Variants in MUC15 observed in about 807,000 individuals in gnomAD.
MUC15 encodes the protein mucin 15, cell surface associated, also known as mucin-15.
A neutral mutation model predicts 24.0 loss-of-function variants in MUC15; 23 were observed. The ratio of observed to expected loss-of-function variants is 0.96; its 90% CI spans 0.69 to 1.36. MUC15 has a LOEUF of 1.36. Ranked by LOEUF, MUC15 falls within the 40% of genes most tolerant of loss-of-function variation. The pLI is 0.00. For synonymous variants in MUC15, 151 were observed against 156.3 expected, an observed-to-expected ratio of 0.97 and a Z score of 0.25; for missense variants, 442 against 428.2, an observed-to-expected ratio of 1.03 and a Z score of -0.29.
chr11:26,561,838 C>T (rs1850306483), intron 4 of MUC15, among the ~76,000 whole-genome samples: 1 of 151,862 alleles, frequency 6.6e-6, no homozygotes, highest in Admixed American at 6.6e-5. Context: ...AATTCATTTT[C>T]AAAGCAAAAC....
At chr11:26,563,395 CTGTGTGTGTGTGTG>C (rs71047867) in intron 3 of MUC15, 130 bp from the exon 4 acceptor site, 57 of 539,914 alleles carry the variant, frequency 1.1e-4, no homozygotes, top group Admixed American at 1.9e-4. Flanking sequence ...GTTTCTCTCT[CTGTGTGTGTGTGTG>C]TGTGTGTGTG....
chr11:26,560,068 T>C lies in MUC15; in HGVS notation c.*997A>G. On this transcript the variant is annotated 3_prime_UTR_variant, in exon 5 of 5. Transcript: ENST00000529533. ...TAATTAAAAACAAACTGAAACATAC[T>C]AGAATCCAAATTAATCTTCTTATAT... 3.3e-6 allele frequency: 1 copy of C among 298,870 alleles called. No individual in the cohort carries two copies. The highest frequency in any genetic ancestry group is 6.2e-6 in the Non-Finnish European group (1 of 162,412). 18.5% of individuals were successfully genotyped at this position (298,870 alleles called of 1,614,324 possible). A position where few individuals can be genotyped will look rare whatever the true frequency, so the allele number is the denominator to read the frequency against.
chr11:26,561,976 G>A (rs1850312108), intron 4 of MUC15, among the ~76,000 whole-genome samples: 2 of 151,722 alleles, frequency 1.3e-5, no homozygotes, highest in African/African-American at 4.8e-5. Flanking sequence ...TTTACAAATT[G>A]GGCTCCCAGG....
chr11:26,565,217 T>C lies in MUC15; in HGVS notation c.723A>G (p.Leu241=). Reference sequence around the variant, plus strand: ...AGAGTTTTGAATTATTGGTGAATTTTAAGGTAGGCTGTAGAGTTGTTTTTT... The same window carrying C: ...AGAGTTTTGAATTATTGGTGAATTTCAAGGTAGGCTGTAGAGTTGTTTTTT... ...YQEKTTLQPT[L]KFTNNSKLFP... is the part of the protein sequence containing the mutation. Residue 241 remains leucine (L), a synonymous_variant, in exon 3 of 5, where the codon TTA becomes TTG. Coordinates refer to ENST00000529533, the MANE Select transcript of MUC15 (RefSeq NM_001135091.2). 6.6e-7 allele frequency: 1 copy of C among 1,516,712 alleles called. No homozygotes were observed. Among genetic ancestry groups the C allele is most frequent in the Non-Finnish European group, 8.8e-7 (1 of 1,132,622 alleles). 94.0% of individuals were successfully genotyped at this position (1,516,712 alleles called of 1,614,324 possible). A position where few individuals can be genotyped will look rare whatever the true frequency, so the allele number is the denominator to read the frequency against.
rs201972788 is a variant in MUC15, at chr11:26,565,333, T to A, written c.607A>T (p.Thr203Ser). Residue 203 changes from threonine to serine, a missense_variant, in exon 3 of 5, where the codon ACT (threonine) becomes TCT (serine). Physicochemically the swap from Thr to Ser is moderately conservative, Grantham distance 58. Transcript: ENST00000529533. ...ITVSILSSEP[T>S]SPSVTPLIVE... ...ATCAAGGGGGTCACAGATGGAGAAG[T>A]TGGTTCTGAAGAGAGGATGCTAACT... 53 of 1,611,136 alleles carry A rather than the reference T, an allele frequency of 3.3e-5. No homozygotes were observed. The highest frequency in any genetic ancestry group is 4.4e-5 in the Non-Finnish European group (52 of 1,178,408).
chr11:26,564,726 CACACACATATATATATATAT>C (rs1238801038), intron 3 of MUC15, among the ~76,000 whole-genome samples: 32 of 49,330 alleles, frequency 6.5e-4, no homozygotes, highest in African/African-American at 1.3e-3. Flanking sequence ...CACACACACA[CACACACATATATATATATAT>C]ATATATATAT....
At chr11:26,564,783 A>ATATATG (rs1850497774) in intron 3 of MUC15, among the ~76,000 whole-genome samples, 1 of 100,696 alleles carries the variant, frequency 9.9e-6, no homozygotes, top group East Asian at 3.2e-4. Flanking sequence ...ATATATATAT[A>ATATATG]TAAGTTCAGT....
In MUC15 at chr11:26,565,289, C is replaced by T. The variant is rs1460746863; in HGVS notation, c.651G>A (p.Trp217Ter). 1 of 1,607,370 alleles carries T rather than the reference C, an allele frequency of 6.2e-7. No homozygotes were observed. The highest frequency in any genetic ancestry group is 8.5e-7 in the Non-Finnish European group (1 of 1,176,092). Reference protein sequence around the residue: ...VTPLIVEPSGWLTTNSDSFTG... With the variant: ...VTPLIVEPSG ...TGAAGCTATCACTGTTTGTGGTAAGCCATCCACTTGGTTCCACTATCAAGG... is the reference window on the plus strand; with the variant it reads ...TGAAGCTATCACTGTTTGTGGTAAGTCATCCACTTGGTTCCACTATCAAGG... Residue 217 changes from tryptophan to a stop codon, truncating the protein, a stop_gained, in exon 3 of 5, where the codon TGG becomes TGA. Coordinates refer to ENST00000529533, the MANE Select transcript of MUC15 (RefSeq NM_001135091.2). LOFTEE classifies it high-confidence loss of function.
At chr11:26,564,183 T>A (rs2134259915) in intron 3 of MUC15, among the ~76,000 whole-genome samples, 1 of 151,820 alleles carries the variant, frequency 6.6e-6, no homozygotes, top group Non-Finnish European at 1.5e-5. Flanking sequence ...TATATTAGGT[T>A]TAGATAGACA....
rs764671965 is a variant in MUC15, at chr11:26,563,393, C to CTGTG, written c.776-129_776-128insCACA. On this transcript the variant is annotated intron_variant, in intron 3 of 4. Coordinates refer to ENST00000529533, the MANE Select transcript of MUC15 (RefSeq NM_001135091.2). Reference sequence around the variant, plus strand: ...AAATTAGATAATGGTGTGTTTCTCTCTCTGTGTGTGTGTGTGTGTGTGTGT... The same window carrying CTGTG: ...AAATTAGATAATGGTGTGTTTCTCTCTGTGTCTGTGTGTGTGTGTGTGTGTGTGT... 4.0e-3 allele frequency: 3,304 copies of CTGTG among 824,678 alleles called. 55 individuals are homozygous for CTGTG. The highest frequency in any genetic ancestry group is 0.024 in the African/African-American group (902 of 38,058). The allele number at this position is 824,678 out of a possible 1,614,324, so 51.1% of individuals were successfully genotyped here.
chr11:26,568,326 C>G (rs1237074891), intron 1 of MUC15, among the ~76,000 whole-genome samples: 6 of 151,986 alleles, frequency 3.9e-5, no homozygotes, highest in African/African-American at 1.4e-4. Flanking sequence ...TCCAAGGACA[C>G]ACAGCTAGTA....
In MUC15 at chr11:26,561,029, T is replaced by C. The variant is rs765169375; in HGVS notation, c.*36A>G. ...ATTTGTCAAAAGGCTAGGATGTAGA[T>C]GACACTTGCTGTTTAACGCCTTTTT... On this transcript the variant is annotated 3_prime_UTR_variant, in exon 5 of 5. Coordinates refer to ENST00000529533, the MANE Select transcript of MUC15 (RefSeq NM_001135091.2). 3 of 1,585,092 alleles carry C rather than the reference T, an allele frequency of 1.9e-6. No individual in the cohort carries two copies.
At chr11:26,563,741 A>G (rs1305152546) in intron 3 of MUC15, among the ~76,000 whole-genome samples, 1 of 151,920 alleles carries the variant, frequency 6.6e-6, no homozygotes, top group Non-Finnish European at 1.5e-5. Context: ...AAGTCACTAC[A>G]AGGAAAAATC....
chr11:26,563,395 C>CTCTCTGTGTG (rs371195680), intron 3 of MUC15, 130 bp from the exon 4 acceptor site: 56 of 540,112 alleles, frequency 1.0e-4, no homozygotes, highest in African/African-American at 9.5e-4. Context: ...GTTTCTCTCT[C>CTCTCTGTGTG]TGTGTGTGTG....
chr11:26,560,064 A>G lies in MUC15; in HGVS notation c.*1001T>C, dbSNP rs946530763. On this transcript the variant is annotated 3_prime_UTR_variant, in exon 5 of 5. Transcript: ENST00000529533. ...GTGGTAATTAAAAACAAACTGAAAC[A>G]TACTAGAATCCAAATTAATCTTCTT... The G allele has an allele frequency of 3.2e-6, 1 of 307,966 alleles. No individual in the cohort carries two copies. Among genetic ancestry groups the G allele is most frequent in the Non-Finnish European group, 5.9e-6 (1 of 168,106 alleles). The allele number at this position is 307,966 out of a possible 1,614,324, so 19.1% of individuals were successfully genotyped here.
Position 26,565,607 on chromosome 11 carries a change from T to C in MUC15, c.333A>G (p.Ile111Met), listed in dbSNP as rs1314002762. The C allele has an allele frequency of 6.2e-7, 1 of 1,613,222 alleles. No homozygotes were observed. Among genetic ancestry groups the C allele is most frequent in the Non-Finnish European group, 8.5e-7 (1 of 1,179,526 alleles). Residue 111 changes from isoleucine (I) to methionine (M), a missense_variant, in exon 3 of 5, where the codon ATA becomes ATG. By Grantham distance (10) the Ile-to-Met change is conservative (BLOSUM62 1). Coordinates refer to ENST00000529533, the MANE Select transcript of MUC15 (RefSeq NM_001135091.2). Reference protein sequence around the residue: ...PLNLPNNSHGITDFSSNSSAE... With the variant: ...PLNLPNNSHGMTDFSSNSSAE... The stretch of plus-strand genomic sequence containing the variant: ...CTGATGAGTTACTGGAGAAATCTGT[T>C]ATTCCGTGGCTGTTGTTGGGTAGAT...
rs777133919 is a variant in MUC15 at position 26,561,156 on chromosome 11, G to T, written c.995C>A (p.Thr332Asn). The change falls in exon 5 of 5, where the codon ACT becomes AAT. Residue 332 changes from threonine (T) to asparagine (N), a missense_variant. Transcript: ENST00000529533. ...TTCTGGCATGGCTGAATCATTCAAA[G>T]TTGGATTGTAGTAGCTAGAATTCCC... ...SFGNSSYYNP[T>N]LNDSAMPESE... 4.3e-6 allele frequency: 7 copies of T among 1,612,802 alleles called. No homozygotes were observed. In the Admixed American group the frequency reaches 6.7e-5, roughly 15 times the overall value.
intron 2 of MUC15, among the ~76,000 whole-genome samples, 187 bp from the exon 3 acceptor site, chr11:26,566,083 G>T (rs527913361): frequency 6.6e-6 from 1 of 151,716 alleles, no homozygotes; most frequent in Non-Finnish European, 1.5e-5. Flanking sequence ...TGCTTTCCAC[G>T]TAATCTTTCT....
At chr11:26,571,796 G>A (rs534598767) in intron 1 of MUC15, among the ~76,000 whole-genome samples, 4 of 152,116 alleles carry the variant, frequency 2.6e-5, no homozygotes, top group Admixed American at 2.0e-4. Context: ...TGCTGGTTCT[G>A]TAATCTAGCA....
Sources: gnomAD v4.1 joint callset for allele counts (sites outside exome capture counted in the v4.1 genomes callset) on GRCh38, gnomAD v4.1.1 for gene constraint, MANE v1.5 for transcripts, NCBI Gene and HGNC (gene_info 2026-07-23, HGNC 2026-07-21) for gene names.